Variants in COL21A1 observed in about 807,000 individuals in gnomAD.
COL21A1 encodes the protein collagen alpha-1(XXI) chain.
COL21A1 carries 149 observed loss-of-function variants against 137.9 expected under a neutral mutation model. The ratio of observed to expected loss-of-function variants is 1.08; its 90% CI spans 0.95 to 1.24. The LOEUF is 1.24. Among genes scored for constraint, COL21A1 ranks in the 50% most tolerant of loss-of-function variants. The pLI, the probability that COL21A1 is intolerant of heterozygous loss-of-function variation, is 0.00. For synonymous variants in COL21A1, 456 were observed against 391.5 expected (o/e 1.16, Z -1.95); for missense variants, 1,167 against 1,158.4 (o/e 1.01, Z -0.11).
At chr6:56,075,567 G>T in intron 18 of COL21A1, 35 bp from the exon 19 acceptor site, 1 of 1,389,376 alleles carries the variant, frequency 7.2e-7, no homozygotes, top group South Asian at 1.4e-5. Context: ...ATTATAAATT[G>T]TAAATTATCA....
At chr6:56,370,501 C>G (rs988987191) in intron 1 of COL21A1, among the ~76,000 whole-genome samples, 6 of 152,176 alleles carry the variant, frequency 3.9e-5, no homozygotes, top group Non-Finnish European at 2.9e-5. Context: ...ATGATTAACA[C>G]AGAACTCTAT....
chr6:56,325,201 G>C (rs1764980475), intron 1 of COL21A1, among the ~76,000 whole-genome samples: 1 of 127,112 alleles, frequency 7.9e-6, no homozygotes, highest in South Asian at 2.6e-4. Flanking sequence ...TCTGTCTTTT[G>C]TTATAGGAGC....
intron 1 of COL21A1, among the ~76,000 whole-genome samples, chr6:56,268,138 G>A (rs1263215313): frequency 2.0e-5 from 3 of 152,184 alleles, no homozygotes; most frequent in African/African-American, 4.8e-5. Context: ...ACTAAAGCAG[G>A]GGAGGAGCCC....
chr6:56,283,874 ACT>A (rs66937943), intron 1 of COL21A1, among the ~76,000 whole-genome samples: 37,080 of 146,078 alleles, frequency 0.25, 5,015 homozygotes, highest in Non-Finnish European at 0.31. Context: ...TCACACACAC[ACT>A]CTCTCTCTCT....
chr6:56,281,467 ATCATCAACC>A (rs1456178486), intron 1 of COL21A1, among the ~76,000 whole-genome samples: 3 of 152,200 alleles, frequency 2.0e-5, no homozygotes, highest in Non-Finnish European at 4.4e-5. Context: ...TATTATCATT[ATCATCAACC>A]TCAACAAGCA....
At position 56,236,307 on chromosome 6, in the gene COL21A1, G is replaced by A. The variant is rs532699073; in HGVS notation, c.-39+11080C>T. On this transcript the variant is annotated intron_variant, in intron 1 of 29. Transcript: ENST00000244728. The stretch of plus-strand genomic sequence containing the variant: ...TAGGTCTAAAGCCTGGAAACTCCAG[G>A]GAGAAGTTTTTCAGTTTAAGAAAAA... Among the ~76,000 whole-genome samples the A allele has an allele frequency of 5.2e-4, 79 of 152,066 alleles. No individual in the cohort carries two copies. In the Middle Eastern group the frequency reaches 0.01, roughly 20 times the overall value.
intron 1 of COL21A1, among the ~76,000 whole-genome samples, chr6:56,303,291 G>T (rs1764348965): frequency 6.6e-6 from 1 of 152,152 alleles, no homozygotes; most frequent in Non-Finnish European, 1.5e-5. Context: ...GCTTGATGGG[G>T]ATGGCATTGA....
rs546105385 is a variant in COL21A1, at chr6:56,308,594, C to A, written c.-39+85377G>T. Among the ~76,000 whole-genome samples the A allele has an allele frequency of 3.9e-5, 6 of 152,260 alleles. No individual in the cohort carries two copies. The South Asian group carries it at 1.2e-3, about 32-fold the overall frequency. On this transcript the variant is annotated intron_variant, in intron 1 of 28. Transcript: ENST00000370819. Reference sequence around the variant, plus strand: ...TGGGGAAATGGGAAATGCAAAGTTGCTACTCAAAGGACGTGAAGTTTCAGT... The same window carrying A: ...TGGGGAAATGGGAAATGCAAAGTTGATACTCAAAGGACGTGAAGTTTCAGT...
intron 1 of COL21A1, among the ~76,000 whole-genome samples, chr6:56,346,439 G>A (rs939788378): frequency 6.6e-6 from 1 of 152,132 alleles, no homozygotes; most frequent in Admixed American, 6.6e-5. Flanking sequence ...TTTTACTACT[G>A]AATATCATTC....
At chr6:56,071,483 C>T (rs1435851083) in intron 20 of COL21A1, among the ~76,000 whole-genome samples, 1 of 151,524 alleles carries the variant, frequency 6.6e-6, no homozygotes, top group Non-Finnish European at 1.5e-5. Flanking sequence ...CAATGTCTGG[C>T]AAAAGCCCAT....
chr6:56,212,419 C>T (rs563910411), intron 1 of COL21A1, among the ~76,000 whole-genome samples: 1 of 152,016 alleles, frequency 6.6e-6, no homozygotes, highest in African/African-American at 2.4e-5. Flanking sequence ...AGGTTTGCTA[C>T]CAATAAAATA....
chr6:56,339,867 T>A (rs1765426678), intron 1 of COL21A1, among the ~76,000 whole-genome samples: 1 of 152,170 alleles, frequency 6.6e-6, no homozygotes, highest in Non-Finnish European at 1.5e-5. Context: ...GATAAGTTTA[T>A]AGGGAGAATA....
chr6:56,106,544 C>A (rs1270596684), intron 16 of COL21A1, among the ~76,000 whole-genome samples: 1 of 152,110 alleles, frequency 6.6e-6, no homozygotes, highest in Admixed American at 6.5e-5. Flanking sequence ...CTTCATTATA[C>A]ATAAAAGAAG....
At chr6:56,203,457 G>T (rs1405198471) in intron 1 of COL21A1, among the ~76,000 whole-genome samples, 1 of 152,164 alleles carries the variant, frequency 6.6e-6, no homozygotes, top group Non-Finnish European at 1.5e-5. Flanking sequence ...CTCAATTGCA[G>T]TTTCTAAATA....
chr6:56,391,612 G>A (rs766756637), intron 1 of COL21A1, among the ~76,000 whole-genome samples: 9 of 151,936 alleles, frequency 5.9e-5, no homozygotes, highest in Non-Finnish European at 1.2e-4. Flanking sequence ...ATAGTAAAAC[G>A]AATACTACAG....
chr6:56,298,535 G>A (rs1003729146), intron 1 of COL21A1, among the ~76,000 whole-genome samples: 4 of 152,012 alleles, frequency 2.6e-5, no homozygotes, highest in Non-Finnish European at 5.9e-5. Flanking sequence ...GAGGATGAAG[G>A]AGAAATGATC....
chr6:56,339,609 C>T (rs1168367272), intron 1 of COL21A1, among the ~76,000 whole-genome samples: 1 of 152,132 alleles, frequency 6.6e-6, no homozygotes, highest in African/African-American at 2.4e-5. Context: ...GCACACACTT[C>T]ATTAAAGCGA....
At chr6:56,101,848 T>G (rs1377902474) in intron 16 of COL21A1, among the ~76,000 whole-genome samples, 1 of 152,154 alleles carries the variant, frequency 6.6e-6, no homozygotes, top group Non-Finnish European at 1.5e-5. Context: ...ATCAGTCCTA[T>G]TCATATATAC....
At chr6:56,212,187 G>C (rs1430154232) in intron 1 of COL21A1, among the ~76,000 whole-genome samples, 1 of 151,808 alleles carries the variant, frequency 6.6e-6, no homozygotes, top group East Asian at 1.9e-4. Flanking sequence ...ATGGTTCTTG[G>C]AGCCTTGTAT....
Sources: allele counts gnomAD v4.1 joint callset (sites outside exome capture counted in the v4.1 genomes callset), GRCh38; gene constraint gnomAD v4.1.1; transcripts MANE v1.5; gene names NCBI Gene and HGNC (gene_info 2026-07-23, HGNC 2026-07-21).